Variants in ITGA11 observed in about 807,000 individuals in gnomAD.
ITGA11 encodes the protein integrin subunit alpha 11.
A neutral mutation model predicts 141.9 loss-of-function variants in ITGA11; 97 were observed. The observed-to-expected ratio is 0.68, with a 90% CI of 0.58 to 0.81. ITGA11 has a LOEUF of 0.81. ITGA11 is among the 30% of genes least tolerant of loss of function. The pLI is 0.00. For synonymous variants in ITGA11, 658 were observed against 624.6 expected, an observed-to-expected ratio of 1.05 and a Z score of -0.80; for missense variants, 1,387 against 1,559.2, an observed-to-expected ratio of 0.89 and a Z score of 1.86.
intron 3 of ITGA11, among the ~76,000 whole-genome samples, chr15:68,366,422 C>T (rs1018652247): frequency 6.6e-6 from 1 of 152,148 alleles, no homozygotes; most frequent in Non-Finnish European, 1.5e-5. Flanking sequence ...TGTGTTTTCT[C>T]CCATCTGATG....
chr15:68,307,709 A>G lies in ITGA11; in HGVS notation c.3175-13T>C. 1 of 1,593,710 alleles carries G rather than the reference A, an allele frequency of 6.3e-7. No homozygotes were observed. The highest frequency in any genetic ancestry group is 8.6e-7 in the Non-Finnish European group (1 of 1,162,294). ...AGTTGCTGTGATTCTGAAAGAGAAG[A>G]TGGGTCTCAGGGCTGAGCTGCTGGG... On this transcript the variant is annotated splice_polypyrimidine_tract_variant and intron_variant, in intron 26 of 29. Transcript: ENST00000315757. The surrounding 1 kb of genome is among the most constrained non-coding windows in gnomAD (Gnocchi z 6.1).
rs1403321664 is a variant in ITGA11, at chr15:68,325,455, T to C, written c.2212-214A>G. On this transcript the variant is annotated intron_variant, in intron 17 of 29. Coordinates refer to ENST00000315757, the MANE Select transcript of ITGA11 (RefSeq NM_001004439.2). The surrounding 1 kb of genome is among the most constrained non-coding windows in gnomAD (Gnocchi z 5.5). ...TGAAAGGAGCTCCAAGCTCAGCTCATGCCAACCTAGCTGCCTGGCTGTTTT... is the reference window on the plus strand; with the variant it reads ...TGAAAGGAGCTCCAAGCTCAGCTCACGCCAACCTAGCTGCCTGGCTGTTTT... Among the ~76,000 whole-genome samples, 1 of 152,190 alleles carries C rather than the reference T, an allele frequency of 6.6e-6. No individual in the cohort carries two copies. The highest frequency in any genetic ancestry group is 2.4e-5 in the African/African-American group (1 of 41,440).
chr15:68,362,714 G>A lies in ITGA11; in HGVS notation c.358-1010C>T, dbSNP rs115468978. Among the ~76,000 whole-genome samples, 1,209 of 152,184 alleles carry A rather than the reference G, an allele frequency of 7.9e-3. 17 individuals carry two copies. The highest frequency in any genetic ancestry group is 0.026 in the African/African-American group (1,083 of 41,520). On this transcript the variant is annotated intron_variant, in intron 4 of 29. Coordinates refer to ENST00000315757, the MANE Select transcript of ITGA11 (RefSeq NM_001004439.2). The stretch of plus-strand genomic sequence containing the variant: ...GGATGATGGATAGATGTGAATGGAT[G>A]GACAGATAGATGAATGGATAATGGA...
intron 1 of ITGA11, among the ~76,000 whole-genome samples, chr15:68,419,693 A>C (rs1479020484): frequency 6.6e-6 from 1 of 152,240 alleles, no homozygotes; most frequent in Non-Finnish European, 1.5e-5. Flanking sequence ...CATGAAGGCC[A>C]AACATTTATT....
intron 3 of ITGA11, among the ~76,000 whole-genome samples, chr15:68,365,716 T>TTTCCC (rs1412419684): frequency 1.3e-5 from 2 of 151,882 alleles, no homozygotes; most frequent in East Asian, 3.9e-4. Context: ...TTTTTTTAAT[T>TTTCCC]TTCCCTTCCC....
At chr15:68,318,626 G>T (rs183415380) in intron 20 of ITGA11, among the ~76,000 whole-genome samples, 242 of 152,218 alleles carry the variant, frequency 1.6e-3, no homozygotes, top group African/African-American at 5.5e-3. Context: ...GAGGAGGAAG[G>T]GGGTACCCGA....
intron 2 of ITGA11, among the ~76,000 whole-genome samples, chr15:68,383,774 G>T (rs1469313489): frequency 6.6e-6 from 1 of 152,176 alleles, no homozygotes; most frequent in East Asian, 1.9e-4. Flanking sequence ...CATGTGGAAA[G>T]CTCCCATTTC....
At chr15:68,421,875 G>A (rs1436601552) in intron 1 of ITGA11, among the ~76,000 whole-genome samples, 1 of 151,796 alleles carries the variant, frequency 6.6e-6, no homozygotes, top group Non-Finnish European at 1.5e-5. Flanking sequence ...TGGCAACCGG[G>A]ACATGTTCAG....
chr15:68,339,756 C>G, intron 10 of ITGA11, 112 bp from the exon 11 acceptor site: 1 of 1,205,776 alleles, frequency 8.3e-7, no homozygotes, highest in South Asian at 1.4e-5. Flanking sequence ...CGGGCACCTT[C>G]TCCTGGGTGC....
At chr15:68,315,503 C>G in intron 22 of ITGA11, 148 bp downstream of exon 22, 1 of 714,140 alleles carries the variant, frequency 1.4e-6, no homozygotes. Flanking sequence ...CCCACCTCCC[C>G]ACCCCACTGC....
chr15:68,408,315 C>T (rs546858351), intron 1 of ITGA11, among the ~76,000 whole-genome samples: 137 of 152,288 alleles, frequency 9.0e-4, no homozygotes, highest in Middle Eastern at 3.4e-3. Flanking sequence ...ACCCCTGTGC[C>T]TTACTAATGG....
chr15:68,337,166 T>C (rs1413094956), intron 11 of ITGA11, among the ~76,000 whole-genome samples: 1 of 152,148 alleles, frequency 6.6e-6, no homozygotes, highest in East Asian at 1.9e-4. Flanking sequence ...GGAGGGGCAC[T>C]GAGATGCAGT....
At chr15:68,427,504 T>C (rs1595903425) in intron 1 of ITGA11, among the ~76,000 whole-genome samples, 1 of 152,106 alleles carries the variant, frequency 6.6e-6, no homozygotes, top group Non-Finnish European at 1.5e-5. Context: ...TGGTGAGTGC[T>C]TCAGTGAAGG....
In ITGA11 at chr15:68,325,162, T is replaced by A; in HGVS notation, c.2291A>T (p.Asp764Val). Residue 764 changes from aspartate (D) to valine (V), a missense_variant, in exon 18 of 30, where the codon GAC (aspartate) becomes GTC (valine). Physicochemically the swap from Asp to Val is radical, Grantham distance 152 (BLOSUM62 -3). Transcript: ENST00000315757. The surrounding 1 kb of genome is among the most constrained non-coding windows in gnomAD (Gnocchi z 5.5). Reference protein sequence around the residue: ...LEDPDHGPMLDDGWPTTLRVS... With the variant: ...LEDPDHGPMLVDGWPTTLRVS... Reference sequence around the variant, plus strand: ...TCTGAGAGTGGTGGGCCAGCCGTCGTCCAGCATGGGGCCATGGTCAGGGTC... The same window carrying A: ...TCTGAGAGTGGTGGGCCAGCCGTCGACCAGCATGGGGCCATGGTCAGGGTC... 6.2e-7 allele frequency: 1 copy of A among 1,613,790 alleles called. No individual in the cohort carries two copies. The highest frequency in any genetic ancestry group is 8.5e-7 in the Non-Finnish European group (1 of 1,179,844).
Position 68,431,017 on chromosome 15 carries a change from G to A in ITGA11, c.52+998C>T, listed in dbSNP as rs548844222. 4.1e-4 allele frequency among the ~76,000 whole-genome samples: 63 copies of A among 152,370 alleles called. 1 individual carries two copies. In the South Asian group the frequency reaches 0.013, roughly 32 times the overall value. Reference sequence around the variant, plus strand: ...GGCCTGGAGCCCACGCAGAAGGGGAGGCAAGGTTGAGCGCCCACACCCGGC... The same window carrying A: ...GGCCTGGAGCCCACGCAGAAGGGGAAGCAAGGTTGAGCGCCCACACCCGGC... On this transcript the variant is annotated intron_variant, in intron 1 of 29. Transcript: ENST00000315757.
At chr15:68,334,933 G>A (rs1567133637) in intron 12 of ITGA11, among the ~76,000 whole-genome samples, 1 of 152,184 alleles carries the variant, frequency 6.6e-6, no homozygotes, top group Non-Finnish European at 1.5e-5. Context: ...GACAGGAGGA[G>A]GAATGGCAGG....
intron 1 of ITGA11, among the ~76,000 whole-genome samples, chr15:68,414,344 G>T (rs1896840758): frequency 6.6e-6 from 1 of 152,158 alleles, no homozygotes; most frequent in Admixed American, 6.5e-5. Flanking sequence ...GAATGCTAAG[G>T]TCAAAGGCCA....
chr15:68,338,883 G>A (rs919798531), intron 11 of ITGA11, among the ~76,000 whole-genome samples: 3 of 152,154 alleles, frequency 2.0e-5, no homozygotes, highest in Non-Finnish European at 4.4e-5. Context: ...CCTCCCCTCT[G>A]GCCCTTCCTT....
At chr15:68,406,549 C>A (rs887445966) in intron 1 of ITGA11, among the ~76,000 whole-genome samples, 1 of 152,302 alleles carries the variant, frequency 6.6e-6, no homozygotes, top group East Asian at 1.9e-4. Flanking sequence ...ACCAAACACC[C>A]CAGGGATCCC....
Sources: allele counts gnomAD v4.1 joint callset (sites outside exome capture counted in the v4.1 genomes callset), GRCh38; gene constraint gnomAD v4.1.1; non-coding constraint Gnocchi (gnomAD v3.1); transcripts MANE v1.5; gene names NCBI Gene and HGNC (gene_info 2026-07-23, HGNC 2026-07-21).